Variants in MTMR1 observed in about 807,000 individuals in gnomAD.
MTMR1 encodes the protein myotubularin related protein 1, also known as phosphatidylinositol-3-phosphate phosphatase MTMR1.
A neutral mutation model predicts 51.6 loss-of-function variants in MTMR1; 17 were observed. That is an observed-to-expected ratio of 0.33 (90% CI 0.23 to 0.49). The LOEUF is 0.49. Among genes scored for constraint, MTMR1 ranks in the 20% least tolerant of loss-of-function variants. MTMR1 has a pLI of 0.99. For synonymous variants in MTMR1, 201 were observed against 205.6 expected (o/e 0.98, Z 0.19); for missense variants, 386 against 526.9 (o/e 0.73, Z 2.62).
At chrX:150,727,896 C>G in intron 6 of MTMR1, 105 bp downstream of exon 6, 1 of 448,625 alleles carries the variant, frequency 2.2e-6, no homozygotes, top group Non-Finnish European at 3.6e-6. Context: ...ATTTGTACTG[C>G]TAGTAACTCA....
At chrX:150,711,232 G>A (rs1557416212) in intron 2 of MTMR1, among the ~76,000 whole-genome samples, 1 of 112,333 alleles carries the variant, frequency 8.9e-6, no homozygotes, top group African/African-American at 3.2e-5. Flanking sequence ...TCTGTGTTTA[G>A]TAACTTATGT....
intron 15 of MTMR1, among the ~76,000 whole-genome samples, chrX:150,759,422 T>C (rs1195034042): frequency 2.0e-5 from 2 of 100,439 alleles, no homozygotes; most frequent in African/African-American, 6.7e-5. Flanking sequence ...TGGAGTGTCA[T>C]GAACATTAGC....
intron 15 of MTMR1, 131 bp from the exon 16 acceptor site, chrX:150,762,434 C>T (rs1040106838): frequency 1.4e-5 from 12 of 837,948 alleles, no homozygotes; most frequent in African/African-American, 1.0e-4. Context: ...GATCGGTCAA[C>T]GCCTCAGGAG....
At chrX:150,740,610 C>A (rs868932063) in intron 12 of MTMR1, among the ~76,000 whole-genome samples, 1 of 112,077 alleles carries the variant, frequency 8.9e-6, no homozygotes, top group Middle Eastern at 4.6e-3. Flanking sequence ...CAGGCCTTAT[C>A]AACCCCCTTA....
intron 12 of MTMR1, 40 bp downstream of exon 12, chrX:150,737,488 G>A (rs781964987): frequency 2.2e-5 from 24 of 1,097,756 alleles, no homozygotes; most frequent in Non-Finnish European, 2.4e-5. Context: ...ACTGTTTTGC[G>A]GTATCATATG....
rs781796863 is a variant in MTMR1 at position 150,736,560 on chromosome X, C to A, written c.1081-35C>A. ...CTAGAAAGAATAGAAAAGTTAATTCCAGATAATGTGATGTATTTGTTTTGT... is the reference window on the plus strand; with the variant it reads ...CTAGAAAGAATAGAAAAGTTAATTCAAGATAATGTGATGTATTTGTTTTGT... On this transcript the variant is annotated intron_variant, in intron 10 of 15. Transcript: ENST00000445323. 3.4e-6 allele frequency: 4 copies of A among 1,166,344 alleles called. No individual in the cohort carries two copies. The Admixed American group carries it at 9.1e-5, about 27-fold the overall frequency.
At chrX:150,746,957 A>G (rs1050737583) in intron 13 of MTMR1, among the ~76,000 whole-genome samples, 2 of 112,350 alleles carry the variant, frequency 1.8e-5, no homozygotes, top group Admixed American at 1.9e-4. Flanking sequence ...GCCTACTGTT[A>G]AGTAAGCTAT....
intron 15 of MTMR1, among the ~76,000 whole-genome samples, chrX:150,758,506 A>G (rs1021321627): frequency 8.9e-6 from 1 of 111,806 alleles, no homozygotes; most frequent in Non-Finnish European, 1.9e-5. Flanking sequence ...AAAAATTTAC[A>G]TTTCTGGCCG....
At chrX:150,696,043 G>C (rs1393175111) in intron 1 of MTMR1, among the ~76,000 whole-genome samples, 2 of 111,621 alleles carry the variant, frequency 1.8e-5, no homozygotes, top group African/African-American at 6.5e-5. Flanking sequence ...AGTAGGTTGC[G>C]GGGCTGAGCG....
At chrX:150,740,469 G>A (rs1481925918) in intron 12 of MTMR1, among the ~76,000 whole-genome samples, 1 of 111,532 alleles carries the variant, frequency 9.0e-6, no homozygotes, top group African/African-American at 3.3e-5. Flanking sequence ...GTGTTCCAGG[G>A]ATGAGTCCTT....
At position 150,698,674 on chromosome X, in the gene MTMR1, GCGCGCGCACACACA is replaced by G. The variant is rs1278946338; in HGVS notation, c.147-519_147-506del. Among the ~76,000 whole-genome samples, 50 of 61,224 alleles carry G rather than the reference GCGCGCGCACACACA, an allele frequency of 8.2e-4. No individual in the cohort carries two copies. The South Asian group carries it at 0.019, about 24-fold the overall frequency. 53.2% of individuals were successfully genotyped at this position (61,224 alleles called of 115,157 possible). A position where few individuals can be genotyped will look rare whatever the true frequency, so the allele number is the denominator to read the frequency against. The stretch of plus-strand genomic sequence containing the variant: ...AAACATGGCAAAACCCTGTCTACAC[GCGCGCGCACACACA>G]CACACACACACACACACACACACAC... On this transcript the variant is annotated intron_variant, in intron 1 of 15. Transcript: ENST00000445323.
intron 12 of MTMR1, among the ~76,000 whole-genome samples, chrX:150,741,374 C>T (rs1281767969): frequency 8.9e-6 from 1 of 112,002 alleles, no homozygotes; most frequent in East Asian, 2.8e-4. Context: ...TTCCTGGCTA[C>T]CTGGGAAGCA....
chrX:150,731,661 C>T (rs369747938), intron 9 of MTMR1, 42 bp downstream of exon 9: 7 of 1,070,805 alleles, frequency 6.5e-6, no homozygotes, highest in Non-Finnish European at 8.7e-6. Flanking sequence ...ATATATATTG[C>T]GTTAGATCTA....
At chrX:150,693,049 T>C (rs2040532911), upstream of MTMR1, 1 of 111,961 alleles carries the variant, frequency 8.9e-6, no homozygotes, top group Non-Finnish European at 1.9e-5. Flanking sequence ...TTCTATACCT[T>C]TTCCGGGAAG....
chrX:150,732,793 T>C, intron 10 of MTMR1, 63 bp downstream of exon 10: 1 of 1,029,641 alleles, frequency 9.7e-7, no homozygotes, highest in South Asian at 2.4e-5. Flanking sequence ...TAAATCATTA[T>C]GCAGTTGGAA....
chrX:150,695,169 C>T lies in MTMR1; in HGVS notation c.146+1493C>T, dbSNP rs2040626744. Among the ~76,000 whole-genome samples the T allele has an allele frequency of 4.5e-5, 5 of 111,832 alleles. No individual in the cohort carries two copies. In the South Asian group the frequency reaches 1.5e-3, roughly 33 times the overall value. ...TGTGAGCCAAGTGTTCCTAGATCAGCGAGGAGACTAGGTGTCACTAGCAGG... is the reference window on the plus strand; with the variant it reads ...TGTGAGCCAAGTGTTCCTAGATCAGTGAGGAGACTAGGTGTCACTAGCAGG... On this transcript the variant is annotated intron_variant, in intron 1 of 15. Coordinates refer to ENST00000445323, the MANE Select transcript of MTMR1 (RefSeq NM_001306144.3).
chrX:150,700,433 G>T (rs1157247687), intron 2 of MTMR1, among the ~76,000 whole-genome samples: 21 of 112,440 alleles, frequency 1.9e-4, no homozygotes, highest in African/African-American at 6.8e-4. Context: ...AGGCATAGCT[G>T]TGGATTAGCA....
intron 1 of MTMR1, among the ~76,000 whole-genome samples, chrX:150,694,650 A>G (rs1557415686): frequency 8.9e-6 from 1 of 112,636 alleles, no homozygotes; most frequent in Non-Finnish European, 1.9e-5. Context: ...TAATTACAAT[A>G]TATTTTAATA....
chrX:150,735,054 G>A (rs1032937466), intron 10 of MTMR1, among the ~76,000 whole-genome samples: 2 of 112,087 alleles, frequency 1.8e-5, no homozygotes, highest in Non-Finnish European at 3.8e-5. Flanking sequence ...GGAAGATGGC[G>A]ATGTGGCAAT....
Sources: allele counts gnomAD v4.1 joint callset (sites outside exome capture counted in the v4.1 genomes callset), GRCh38; gene constraint gnomAD v4.1.1; transcripts MANE v1.5; gene names NCBI Gene and HGNC (gene_info 2026-07-23, HGNC 2026-07-21).